Variants in BRD10 observed in about 807,000 individuals in gnomAD.
BRD10 encodes the protein bromodomain containing 10.
the BRD10 span, among the ~76,000 whole-genome samples, chr9:5,947,947 G>C: frequency 9.9e-5 from 15 of 152,064 alleles, no homozygotes; most frequent in African/African-American, 3.4e-4. Context: ...GGGTGAACAC[G>C]AAACTCCATA....
chr9:5,882,565 C>G, the BRD10 span, among the ~76,000 whole-genome samples: 2 of 152,238 alleles, frequency 1.3e-5, no homozygotes, highest in Non-Finnish European at 2.9e-5. Flanking sequence ...ACAAAAAATA[C>G]TGCAAGGACA....
chr9:5,938,502 G>A, the BRD10 span, among the ~76,000 whole-genome samples: 1 of 152,030 alleles, frequency 6.6e-6, no homozygotes, highest in South Asian at 2.1e-4. Context: ...ACAGGTTGAG[G>A]ATAAAATCTT....
At chr9:5,937,938 A>G in the BRD10 span, among the ~76,000 whole-genome samples, 2 of 152,168 alleles carry the variant, frequency 1.3e-5, no homozygotes, top group Non-Finnish European at 2.9e-5. Flanking sequence ...CACATTTCCT[A>G]TCATCTAGGT....
chr9:5,948,678 GATTAT>G, the BRD10 span, among the ~76,000 whole-genome samples: 1 of 151,950 alleles, frequency 6.6e-6, no homozygotes, highest in Non-Finnish European at 1.5e-5. Context: ...CAATATGGTA[GATTAT>G]ATTAAAAAGC....
the BRD10 span, among the ~76,000 whole-genome samples, chr9:5,948,266 C>A: frequency 0.24 from 36,593 of 151,990 alleles, 4,519 homozygotes; most frequent in South Asian, 0.36. Context: ...TGACACACTG[C>A]TAGAGGAAAC....
chr9:5,920,163 G>A, the BRD10 span: 259 of 1,613,844 alleles, frequency 1.6e-4, no homozygotes, highest in Admixed American at 2.7e-4. Context: ...TTTGATGCTA[G>A]TGTGATCTTC....
At chr9:5,901,676 G>A in the BRD10 span, among the ~76,000 whole-genome samples, 6 of 151,960 alleles carry the variant, frequency 3.9e-5, no homozygotes, top group East Asian at 3.9e-4. Flanking sequence ...AAGCCACCAC[G>A]CCTGGCTAAA....
the BRD10 span, chr9:5,969,515 A>G: frequency 2.1e-6 from 2 of 955,496 alleles, no homozygotes; most frequent in Non-Finnish European, 3.0e-6. Context: ...ATTTATCTTT[A>G]GCCAAAAAGG....
At chr9:5,884,079 TCTC>T in the BRD10 span, among the ~76,000 whole-genome samples, 1 of 152,318 alleles carries the variant, frequency 6.6e-6, no homozygotes, top group African/African-American at 2.4e-5. Context: ...GCGCAGTCTC[TCTC>T]CTTTTTGTCC....
At chr9:5,885,359 G>C in the BRD10 span, among the ~76,000 whole-genome samples, 14 of 150,072 alleles carry the variant, frequency 9.3e-5, no homozygotes, top group African/African-American at 1.2e-4. Context: ...CACTGTGCTA[G>C]ATGAGTTGAC....
At chr9:5,909,601 A>G in the BRD10 span, 1 of 152,322 alleles carries the variant, frequency 6.6e-6, no homozygotes. Context: ...GTCTAATTAC[A>G]TTTCACTTCA....
At chr9:5,996,431 G>C in the BRD10 span, among the ~76,000 whole-genome samples, 1 of 152,044 alleles carries the variant, frequency 6.6e-6, no homozygotes. Context: ...CAATTCTTGT[G>C]CCTCAGTCTC....
At chr9:5,935,967 T>C in the BRD10 span, among the ~76,000 whole-genome samples, 3 of 152,334 alleles carry the variant, frequency 2.0e-5, no homozygotes, top group East Asian at 5.8e-4. Flanking sequence ...ATAATCTAAC[T>C]TGATGACTTG....
At chr9:5,942,956 C>T in the BRD10 span, among the ~76,000 whole-genome samples, 1 of 152,284 alleles carries the variant, frequency 6.6e-6, no homozygotes, top group East Asian at 1.9e-4. Context: ...CAGCTCACTG[C>T]AGCCTCGACC....
chr9:5,898,617 C>T, the BRD10 span, among the ~76,000 whole-genome samples: 2 of 152,242 alleles, frequency 1.3e-5, no homozygotes, highest in East Asian at 1.9e-4. Context: ...GTTTATAGGG[C>T]ACAGGGGAAG....
At chr9:5,931,116 C>A in the BRD10 span, among the ~76,000 whole-genome samples, 9 of 152,184 alleles carry the variant, frequency 5.9e-5, no homozygotes, top group Non-Finnish European at 1.2e-4. Context: ...GAACACCAGG[C>A]ATGCTGAATT....
At chr9:5,977,106 A>G in the BRD10 span, among the ~76,000 whole-genome samples, 3 of 152,234 alleles carry the variant, frequency 2.0e-5, no homozygotes, top group Non-Finnish European at 2.9e-5. Flanking sequence ...AGGTCAGTAT[A>G]AGAGACAGAA....
At chr9:5,958,131 A>T in the BRD10 span, among the ~76,000 whole-genome samples, 1 of 152,182 alleles carries the variant, frequency 6.6e-6, no homozygotes, top group Non-Finnish European at 1.5e-5. Flanking sequence ...ACATTAATAA[A>T]CCTTAATAAT....
chr9:5,951,328 T>TAAA, the BRD10 span, among the ~76,000 whole-genome samples: 12 of 149,770 alleles, frequency 8.0e-5, no homozygotes, highest in African/African-American at 9.8e-5. Context: ...CATTAGGACT[T>TAAA]AAAAAAAAAA....
Sources: gnomAD v4.1 joint callset for allele counts (sites outside exome capture counted in the v4.1 genomes callset) on GRCh38, gnomAD v4.1.1 for gene constraint, MANE v1.5 for transcripts, NCBI Gene and HGNC (gene_info 2026-07-23, HGNC 2026-07-21) for gene names.